Variants in ASIC2 observed in about 807,000 individuals in gnomAD.
ASIC2 encodes the protein acid-sensing ion channel 2.
Under a neutral mutation model 57.3 loss-of-function variants are expected in ASIC2, and 25 were observed. The ratio of observed to expected loss-of-function variants is 0.44; its 90% CI spans 0.32 to 0.61. The LOEUF (loss-of-function observed/expected upper bound fraction) is 0.61, where lower values mean the gene tolerates loss of function less well. Among genes scored for constraint, ASIC2 ranks in the 20% least tolerant of loss-of-function variants. ASIC2 has a pLI of 0.06. For synonymous variants in ASIC2, 319 were observed against 307.5 expected (o/e 1.04, Z -0.39); for missense variants, 641 against 738.1 (o/e 0.87, Z 1.52).
At chr17:33,231,949 C>T (rs761008538) in intron 1 of ASIC2, among the ~76,000 whole-genome samples, 4 of 152,176 alleles carry the variant, frequency 2.6e-5, no homozygotes, top group Non-Finnish European at 4.4e-5. Context: ...TATTTATTGT[C>T]TGTGATATCT....
chr17:33,281,133 C>T (rs768856723), intron 1 of ASIC2, among the ~76,000 whole-genome samples: 8 of 152,266 alleles, frequency 5.3e-5, no homozygotes, highest in Non-Finnish European at 5.9e-5. Flanking sequence ...CAGTGACCTG[C>T]GGTGTGACCT....
At chr17:34,146,061 T>C (rs1017380530) in intron 1 of ASIC2, among the ~76,000 whole-genome samples, 7 of 152,142 alleles carry the variant, frequency 4.6e-5, no homozygotes, top group Non-Finnish European at 1.0e-4. Context: ...GCTGGGAGAA[T>C]GGGTATGGCT....
chr17:33,894,908 A>G (rs1234141981), intron 1 of ASIC2, among the ~76,000 whole-genome samples: 4 of 152,118 alleles, frequency 2.6e-5, no homozygotes, highest in Non-Finnish European at 4.4e-5. Context: ...GCACTCCTGG[A>G]GTACAGGGAG....
intron 1 of ASIC2, among the ~76,000 whole-genome samples, chr17:33,859,981 G>C (rs575138908): frequency 6.6e-6 from 1 of 152,252 alleles, no homozygotes; most frequent in East Asian, 1.9e-4. Context: ...ACCACACCGA[G>C]CAGCCTTTTT....
At chr17:33,567,111 T>C (rs534535912) in intron 1 of ASIC2, among the ~76,000 whole-genome samples, 67 of 152,282 alleles carry the variant, frequency 4.4e-4, no homozygotes, top group African/African-American at 1.5e-3. Context: ...GTTATGACTA[T>C]GAAACAAGGC....
chr17:33,739,877 AAAG>A (rs1472200143), intron 1 of ASIC2, among the ~76,000 whole-genome samples: 1 of 151,422 alleles, frequency 6.6e-6, no homozygotes, highest in Non-Finnish European at 1.5e-5. Flanking sequence ...AGGAAGGAAA[AAAG>A]AAAAGGAAAG....
At chr17:33,820,364 G>T (rs1421731461) in intron 1 of ASIC2, among the ~76,000 whole-genome samples, 1 of 152,154 alleles carries the variant, frequency 6.6e-6, no homozygotes, top group Non-Finnish European at 1.5e-5. Flanking sequence ...AAAAAAGAAG[G>T]TAAACTATCT....
chr17:33,112,041 G>T lies in ASIC2; in HGVS notation c.735C>A (p.Tyr245Ter). ...TGCCATCCTCGCCTGAGTTAAACAT[G>T]TAACACTTCCCATATTTTGTAAACA... ...SSVFTKYGKCYMFNSGEDGKP... is the reference protein window; with the variant it reads ...SSVFTKYGKC Residue 245 changes from tyrosine to a stop codon, truncating the protein, a stop_gained, in exon 2 of 10, where the codon TAC (tyrosine) becomes TAA (stop). Coordinates refer to ENST00000225823, the MANE Select transcript of ASIC2 (RefSeq NM_183377.2). LOFTEE classifies it high-confidence loss of function. The T allele has an allele frequency of 6.2e-7, 1 of 1,613,782 alleles. No individual in the cohort carries two copies. Among genetic ancestry groups the T allele is most frequent in the Non-Finnish European group, 8.5e-7 (1 of 1,179,900 alleles).
intron 1 of ASIC2, among the ~76,000 whole-genome samples, chr17:33,333,131 G>A (rs1907383117): frequency 6.6e-6 from 1 of 152,168 alleles, no homozygotes; most frequent in Non-Finnish European, 1.5e-5. Context: ...ATTGGAGACT[G>A]GCCATCCTTC....
chr17:33,992,196 G>A (rs1256361783), intron 1 of ASIC2, among the ~76,000 whole-genome samples: 1 of 152,122 alleles, frequency 6.6e-6, no homozygotes, highest in African/African-American at 2.4e-5. Flanking sequence ...CATCTGTATT[G>A]CTGATCTAAC....
chr17:33,021,091 A>T, intron 7 of ASIC2, 128 bp downstream of exon 7: 1 of 634,246 alleles, frequency 1.6e-6, no homozygotes, highest in Non-Finnish European at 2.7e-6. Context: ...AGTAATTATT[A>T]GTAAATCAAA....
chr17:34,149,710 T>C (rs1297907671), intron 1 of ASIC2, among the ~76,000 whole-genome samples: 2 of 152,194 alleles, frequency 1.3e-5, no homozygotes, highest in Non-Finnish European at 2.9e-5. Flanking sequence ...CTTGTTAGAA[T>C]AGTTGTTGTC....
At chr17:33,079,323 C>T (rs994679152) in intron 3 of ASIC2, among the ~76,000 whole-genome samples, 4 of 152,036 alleles carry the variant, frequency 2.6e-5, no homozygotes, top group African/African-American at 9.7e-5. Flanking sequence ...TGCACTGAAT[C>T]TTGGAGGAAG....
chr17:33,075,351 C>T (rs1025688628), intron 3 of ASIC2, among the ~76,000 whole-genome samples: 1 of 152,060 alleles, frequency 6.6e-6, no homozygotes, highest in East Asian at 1.9e-4. Flanking sequence ...TATAAAGTAC[C>T]CACTCTCGGG....
intron 1 of ASIC2, among the ~76,000 whole-genome samples, chr17:33,114,559 C>A (rs1434493338): frequency 6.6e-6 from 1 of 152,194 alleles, no homozygotes; most frequent in Non-Finnish European, 1.5e-5. Flanking sequence ...AACTCCTTCA[C>A]CTTTTAGTCC....
intron 1 of ASIC2, among the ~76,000 whole-genome samples, chr17:33,443,701 C>G (rs557351342): frequency 3.0e-4 from 46 of 151,660 alleles, no homozygotes; most frequent in Non-Finnish European, 5.4e-4. Flanking sequence ...CAGGCGTGAG[C>G]CACCGCGCCC....
chr17:34,111,538 C>G (rs1911274621), intron 1 of ASIC2, among the ~76,000 whole-genome samples: 1 of 151,994 alleles, frequency 6.6e-6, no homozygotes, highest in African/African-American at 2.4e-5. Flanking sequence ...AATTTATTGC[C>G]TATCTATTCT....
At chr17:33,719,682 C>A (rs1269518213) in intron 1 of ASIC2, among the ~76,000 whole-genome samples, 2 of 152,198 alleles carry the variant, frequency 1.3e-5, no homozygotes, top group Non-Finnish European at 2.9e-5. Context: ...TAGCTAGAGG[C>A]TGCAATAAGG....
At chr17:33,576,883 T>C (rs970440376) in intron 1 of ASIC2, among the ~76,000 whole-genome samples, 1 of 152,174 alleles carries the variant, frequency 6.6e-6, no homozygotes, top group Non-Finnish European at 1.5e-5. Flanking sequence ...TCACTTTTCT[T>C]CTCTATAAAA....
Sources: gnomAD v4.1 joint callset for allele counts (sites outside exome capture counted in the v4.1 genomes callset) on GRCh38, gnomAD v4.1.1 for gene constraint, MANE v1.5 for transcripts, NCBI Gene and HGNC (gene_info 2026-07-23, HGNC 2026-07-21) for gene names.